Variants in COL15A1 observed in about 807,000 individuals in gnomAD.
COL15A1 encodes collagen type XV alpha 1 chain.
COL15A1 carries 111 observed loss-of-function variants against 165.9 expected under a neutral mutation model. The observed-to-expected ratio is 0.67, with a 90% CI of 0.57 to 0.78. The LOEUF (loss-of-function observed/expected upper bound fraction) is 0.78. Among genes scored for constraint, COL15A1 ranks in the 30% least tolerant of loss-of-function variants. COL15A1 has a pLI of 0.00. For missense variants in COL15A1, 1,745 were observed against 1,789.7 expected (o/e 0.98, Z 0.45); for synonymous variants, 659 against 674.8 (o/e 0.98, Z 0.36).
chr9:99,012,846 G>A (rs1838868933), intron 9 of COL15A1, among the ~76,000 whole-genome samples: 1 of 151,222 alleles, frequency 6.6e-6, no homozygotes, highest in Non-Finnish European at 1.5e-5. Context: ...TGAGTAGCTG[G>A]GACTACAGGT....
rs142353300 is a variant in COL15A1 at position 99,051,849 on chromosome 9, C to G, written c.2905-539C>G. ...GGAATATTATCCAGAACAGCCTGGA[C>G]TCCAGACCCCTGAAACTTAATGAGG... On this transcript the variant is annotated intron_variant, in intron 30 of 41. Transcript: ENST00000375001. Among the ~76,000 whole-genome samples, 86 of 152,338 alleles carry G rather than the reference C, an allele frequency of 5.6e-4. No homozygotes were observed. In the East Asian group the frequency reaches 0.013, roughly 24 times the overall value.
At chr9:99,048,121 C>G in intron 28 of COL15A1, 121 bp downstream of exon 28, 1 of 727,036 alleles carries the variant, frequency 1.4e-6, no homozygotes. Flanking sequence ...TCCTTCACTG[C>G]CACTGCCAAA....
At chr9:99,003,943 C>T (rs1838710626) in intron 8 of COL15A1, among the ~76,000 whole-genome samples, 1 of 152,078 alleles carries the variant, frequency 6.6e-6, no homozygotes, top group African/African-American at 2.4e-5. Context: ...CAGAAGTTTC[C>T]TGGGGAAAGG....
intron 11 of COL15A1, among the ~76,000 whole-genome samples, chr9:99,019,870 A>G (rs887250111): frequency 1.3e-5 from 2 of 152,132 alleles, no homozygotes; most frequent in African/African-American, 4.8e-5. Context: ...CTTTGCTCCT[A>G]GGGGTCCAGT....
At chr9:98,992,882 C>G (rs1447442689) in intron 5 of COL15A1, among the ~76,000 whole-genome samples, 1 of 152,182 alleles carries the variant, frequency 6.6e-6, no homozygotes, top group Non-Finnish European at 1.5e-5. Flanking sequence ...GGGCACGTGT[C>G]AGCCAAGGGG....
rs762434640 is a variant in COL15A1 at position 99,044,554 on chromosome 9, T to C, written c.2575-14T>C. 58 of 1,613,540 alleles carry C rather than the reference T, an allele frequency of 3.6e-5. No individual in the cohort carries two copies. The highest frequency in any genetic ancestry group is 4.9e-5 in the Non-Finnish European group (58 of 1,179,828). ...AGGAGTCCTGACTTCATTGAGATGT[T>C]CTCTGAATTGCAGGGCGAGAAGGGA... On this transcript the variant is annotated splice_polypyrimidine_tract_variant and intron_variant, in intron 24 of 41. Coordinates refer to ENST00000375001, the MANE Select transcript of COL15A1 (RefSeq NM_001855.5).
At chr9:98,973,531 G>T (rs1433256215) in intron 2 of COL15A1, among the ~76,000 whole-genome samples, 4 of 152,352 alleles carry the variant, frequency 2.6e-5, no homozygotes, top group East Asian at 1.9e-4. Flanking sequence ...TCGCACCTTT[G>T]CTGGGTGCAG....
intron 16 of COL15A1, among the ~76,000 whole-genome samples, chr9:99,027,913 T>A (rs1186168270): frequency 6.6e-6 from 1 of 152,170 alleles, no homozygotes; most frequent in Non-Finnish European, 1.5e-5. Flanking sequence ...ATTCAGTATG[T>A]AAAATAACAA....
Position 98,995,393 on chromosome 9 carries a change from C to A in COL15A1, c.805-1541C>A, listed in dbSNP as rs371426039. On this transcript the variant is annotated intron_variant, in intron 5 of 41. Coordinates refer to ENST00000375001, the MANE Select transcript of COL15A1 (RefSeq NM_001855.5). ...GCTCCCCTAGTCCATGATCACACTG[C>A]CACCAGCGAGGACTCTCTAAAACAC... is the stretch of plus-strand genomic sequence containing the variant. Among the ~76,000 whole-genome samples, 7 of 152,318 alleles carry A rather than the reference C, an allele frequency of 4.6e-5. No individual in the cohort carries two copies. The South Asian group carries it at 1.4e-3, about 32-fold the overall frequency.
chr9:98,975,772 C>T (rs139083076), intron 2 of COL15A1, among the ~76,000 whole-genome samples: 287 of 152,332 alleles, frequency 1.9e-3, no homozygotes, highest in African/African-American at 6.5e-3. Flanking sequence ...TCCCTGTGTC[C>T]GTTCCTTCAC....
chr9:99,048,071 C>T lies in COL15A1; in HGVS notation c.2793+71C>T, dbSNP rs559036340. 4 of 831,562 alleles carry T rather than the reference C, an allele frequency of 4.8e-6. No individual in the cohort carries two copies. The East Asian group carries it at 7.9e-5, about 17-fold the overall frequency. The allele number at this position is 831,562 out of a possible 1,614,324, so 51.5% of individuals were successfully genotyped here. ...GTGAGAGAGTGTGGGGTCCACAGAG[C>T]AGGGCCTGTGGACTGAATGTTCAGG... On this transcript the variant is annotated intron_variant, in intron 28 of 41. Coordinates refer to ENST00000375001, the MANE Select transcript of COL15A1 (RefSeq NM_001855.5).
At chr9:98,955,535 A>G (rs1375788424) in intron 2 of COL15A1, among the ~76,000 whole-genome samples, 1 of 152,202 alleles carries the variant, frequency 6.6e-6, no homozygotes, top group Non-Finnish European at 1.5e-5. Flanking sequence ...TGAACCTTTG[A>G]CCAGCAAAGT....
Position 99,011,330 on chromosome 9 carries a change from G to C in COL15A1, c.1354-4087G>C, listed in dbSNP as rs567078070. The stretch of plus-strand genomic sequence containing the variant: ...CATATGAAAGCTTTTTTTTTCATCT[G>C]TCTTCTTCTTATGATGTAAACAGAC... On this transcript the variant is annotated intron_variant, in intron 9 of 41. Coordinates refer to ENST00000375001, the MANE Select transcript of COL15A1 (RefSeq NM_001855.5). 3.2e-5 allele frequency among the ~76,000 whole-genome samples: 4 copies of C among 125,272 alleles called. No individual in the cohort carries two copies. In the South Asian group the frequency reaches 9.8e-4, roughly 31 times the overall value. The allele number at this position is 125,272 out of a possible 152,430, so 82.2% of individuals were successfully genotyped here. A position where few individuals can be genotyped will look rare whatever the true frequency, so the allele number is the denominator to read the frequency against.
rs1838927674 is a variant in COL15A1, at chr9:99,015,980, C to A, written c.1508C>A (p.Pro503His). The part of the protein sequence containing the change: ...MAPERAVTSG[P>H]GDEEDLAAAT... Reference sequence around the variant, plus strand: ...TAATGCTGGTTTTGTTTTCAGGGTCCTGGTGATGAAGAAGACTTGGCAGCA... The same window carrying A: ...TAATGCTGGTTTTGTTTTCAGGGTCATGGTGATGAAGAAGACTTGGCAGCA... The change falls in exon 11 of 42, where the codon CCT becomes CAT. Residue 503 changes from proline to histidine, a missense_variant. Physicochemically the swap from Pro to His is moderately conservative, Grantham distance 77 (BLOSUM62 -2). Coordinates refer to ENST00000375001, the MANE Select transcript of COL15A1 (RefSeq NM_001855.5). 2 of 1,613,334 alleles carry A rather than the reference C, an allele frequency of 1.2e-6. No individual in the cohort carries two copies. Among genetic ancestry groups the A allele is most frequent in the Non-Finnish European group, 8.5e-7 (1 of 1,179,742 alleles).
intron 14 of COL15A1, 30 bp downstream of exon 14, chr9:99,023,479 T>C: frequency 4.0e-6 from 4 of 1,009,708 alleles, no homozygotes; most frequent in Non-Finnish European, 4.7e-6. Context: ...CGACCTGGTG[T>C]CTGGGACTGC....
intron 2 of COL15A1, among the ~76,000 whole-genome samples, chr9:98,970,273 A>G (rs540660602): frequency 6.6e-6 from 1 of 152,218 alleles, no homozygotes; most frequent in East Asian, 1.9e-4. Flanking sequence ...GTCTGAATTT[A>G]TTTATGTACT....
intron 21 of COL15A1, 131 bp from the exon 22 acceptor site, chr9:99,038,537 T>C: frequency 1.6e-6 from 1 of 612,878 alleles, no homozygotes; most frequent in Non-Finnish European, 3.0e-6. Flanking sequence ...TGTTTGGCAG[T>C]GGGCTGAGGG....
At chr9:98,959,525 A>G (rs1419874622) in intron 2 of COL15A1, among the ~76,000 whole-genome samples, 1 of 152,132 alleles carries the variant, frequency 6.6e-6, no homozygotes, top group Non-Finnish European at 1.5e-5. Flanking sequence ...AACCACTCTT[A>G]GAAATGAGGC....
Position 99,049,719 on chromosome 9 carries a change from C to T in COL15A1, c.2823C>T (p.Gly941=), listed in dbSNP as rs141775032. ...CACCTGGCTTACCTGGCCCTCCAGG[C>T]CCCCCTGGGCCACCTGGAGCTGTGA... The part of the protein sequence containing the change: ...QGPPGLPGPP[G]PPGPPGAVIN... The change falls in exon 29 of 42, where the codon GGC becomes GGT. Residue 941 remains glycine (G), a synonymous_variant. Transcript: ENST00000375001. The T allele has an allele frequency of 5.0e-6, 8 of 1,613,894 alleles. No individual in the cohort carries two copies. In the Admixed American group the frequency reaches 1.2e-4, roughly 24 times the overall value.
Sources: gnomAD v4.1 joint callset for allele counts (sites outside exome capture counted in the v4.1 genomes callset) on GRCh38, gnomAD v4.1.1 for gene constraint, MANE v1.5 for transcripts, NCBI Gene and HGNC (gene_info 2026-07-23, HGNC 2026-07-21) for gene names.